The following AMZ1 variants were observed in gnomAD, a reference collection of about 807,000 sequenced individuals.
The protein encoded by AMZ1 is archaelysin family metallopeptidase 1.
In AMZ1, 39 loss-of-function variants were observed where a neutral mutation model predicts 29.9. The observed-to-expected ratio is 1.30, with a 90% CI of 1.01 to 1.70. The LOEUF (loss-of-function observed/expected upper bound fraction) is 1.70, where lower values mean the gene tolerates loss of function less well. Among genes scored for constraint, AMZ1 ranks in the 40% most tolerant of loss-of-function variants. AMZ1 has a pLI of 0.00. For synonymous variants in AMZ1, 458 were observed against 304.0 expected (o/e 1.51, Z -5.27); for missense variants, 1,041 against 680.6 (o/e 1.53, Z -5.89).
rs1788281912 is a variant in AMZ1, at chr7:2,705,205, T to C, written c.472+2316T>C. 1.3e-5 allele frequency among the ~76,000 whole-genome samples: 2 copies of C among 152,202 alleles called. 1 individual carries two copies. Among genetic ancestry groups the C allele is most frequent in the South Asian group, 4.1e-4 (2 of 4,824 alleles). ...CTGCCAGGCACCAAAGGGCTGACTG[T>C]GGGACAAAGACATGAAGCTTTTCTG... is the stretch of plus-strand genomic sequence containing the variant. On this transcript the variant is annotated intron_variant, in intron 3 of 6. Transcript: ENST00000683327.
At chr7:2,728,781 C>G (rs551454529) in intron 4 of AMZ1, 1 of 152,362 alleles carries the variant, frequency 6.6e-6, no homozygotes, top group Non-Finnish European at 1.5e-5. Context: ...TCTCCAATTA[C>G]AATGTGTTAC....
At chr7:2,688,331 G>C (rs956030635) in intron 1 of AMZ1, 35 bp downstream of exon 1, 1 of 151,692 alleles carries the variant, frequency 6.6e-6, no homozygotes, top group African/African-American at 2.4e-5. Flanking sequence ...CGGGGGCGCA[G>C]GGACCGAGAG....
chr7:2,747,102 C>G (rs1440222851), intron 4 of AMZ1, among the ~76,000 whole-genome samples: 2 of 152,258 alleles, frequency 1.3e-5, no homozygotes, highest in East Asian at 3.9e-4. Context: ...CAAGGAGGAG[C>G]TGGCACCATT....
intron 1 of AMZ1, among the ~76,000 whole-genome samples, chr7:2,681,651 G>C (rs1311665759): frequency 6.6e-6 from 1 of 152,186 alleles, no homozygotes; most frequent in African/African-American, 2.4e-5. Flanking sequence ...CCCCGACAGG[G>C]ACAGGTGGTG....
In AMZ1 at chr7:2,716,868, C is replaced by T. The variant is rs963128456; in HGVS notation, c.*3990C>T. 1.3e-5 allele frequency among the ~76,000 whole-genome samples: 2 copies of T among 152,190 alleles called. No individual in the cohort carries two copies. The highest frequency in any genetic ancestry group is 2.4e-5 in the African/African-American group (1 of 41,446). The stretch of plus-strand genomic sequence containing the variant: ...ATCCCCACCATATGGCTGTGGCTGT[C>T]GAGATGGGACTGGGAAGGGCTGGAG... On this transcript the variant is annotated 3_prime_UTR_variant, in exon 7 of 7. Coordinates refer to ENST00000683327, the MANE Select transcript of AMZ1 (RefSeq NM_001384743.1).
At chr7:2,696,578 C>A (rs1787761669) in intron 1 of AMZ1, among the ~76,000 whole-genome samples, 1 of 151,308 alleles carries the variant, frequency 6.6e-6, no homozygotes, top group Non-Finnish European at 1.5e-5. Flanking sequence ...TTATCTGCTG[C>A]TGATGACTTA....
At chr7:2,764,327 C>G (rs1052742824), upstream of AMZ1, among the ~76,000 whole-genome samples, 1 of 151,958 alleles carries the variant, frequency 6.6e-6, no homozygotes. Flanking sequence ...GAGTGATCCT[C>G]CCATCTCAGC....
At chr7:2,743,175 G>T (rs1159223130) in intron 4 of AMZ1, among the ~76,000 whole-genome samples, 1 of 152,186 alleles carries the variant, frequency 6.6e-6, no homozygotes, top group Non-Finnish European at 1.5e-5. Context: ...GCTGGCCCCT[G>T]AACCGTATAT....
chr7:2,737,306 T>TG (rs1790256901), intron 4 of AMZ1, among the ~76,000 whole-genome samples: 12 of 127,546 alleles, frequency 9.4e-5, no homozygotes, highest in Admixed American at 1.9e-4. Context: ...TTTTTTTTTT[T>TG]GAGATGGAGT....
chr7:2,703,159 T>C (rs1788159599), intron 3 of AMZ1, among the ~76,000 whole-genome samples: 1 of 152,066 alleles, frequency 6.6e-6, no homozygotes, highest in African/African-American at 2.4e-5. Flanking sequence ...TTTTTGTTAT[T>C]TTTTTGAGAC....
intron 2 of AMZ1, among the ~76,000 whole-genome samples, 156 bp downstream of exon 2, chr7:2,700,911 G>T (rs1788017513): frequency 6.6e-6 from 1 of 152,210 alleles, no homozygotes; most frequent in Admixed American, 6.5e-5. Flanking sequence ...GGAGGTCCTG[G>T]CTGGGCCAAG....
At chr7:2,692,153 G>A (rs989237711) in intron 1 of AMZ1, among the ~76,000 whole-genome samples, 4 of 152,186 alleles carry the variant, frequency 2.6e-5, no homozygotes, top group Non-Finnish European at 5.9e-5. Context: ...GGCCGGCTAA[G>A]TGCCTCCTCC....
intron 3 of AMZ1, among the ~76,000 whole-genome samples, chr7:2,706,294 G>A (rs969322969): frequency 6.6e-6 from 1 of 152,172 alleles, no homozygotes; most frequent in Non-Finnish European, 1.5e-5. Flanking sequence ...AGCCTCCCAA[G>A]TAGCTGGGAC....
At chr7:2,710,850 T>C (rs1788728413) in intron 6 of AMZ1, among the ~76,000 whole-genome samples, 1 of 152,200 alleles carries the variant, frequency 6.6e-6, no homozygotes, top group African/African-American at 2.4e-5. Flanking sequence ...GGTCAGCACC[T>C]GGTGATGCCT....
rs761253825 is a variant in AMZ1 at position 2,709,750 on chromosome 7, C to G, written c.882C>G (p.Asp294Glu). The G allele has an allele frequency of 6.2e-7, 1 of 1,611,690 alleles. No individual in the cohort carries two copies. Among genetic ancestry groups the G allele is most frequent in the Non-Finnish European group, 8.5e-7 (1 of 1,179,874 alleles). ...ACGAGGCCCTGCGGCGGCCCCTGGA[C>G]CTCTGTCCCATCTGCCTGAGGAAGC... ...SLDEALRRPLDLCPICLRKLQ... is the reference protein window; with the variant it reads ...SLDEALRRPLELCPICLRKLQ... Residue 294 changes from aspartate to glutamate, a missense_variant, in exon 6 of 7, where the codon GAC (aspartate) becomes GAG (glutamate). Coordinates refer to ENST00000683327, the MANE Select transcript of AMZ1 (RefSeq NM_001384743.1).
intron 4 of AMZ1, among the ~76,000 whole-genome samples, chr7:2,736,907 A>G (rs1019746016): frequency 6.6e-6 from 1 of 152,220 alleles, no homozygotes; most frequent in African/African-American, 2.4e-5. Flanking sequence ...AAAGAGCTTC[A>G]GATCATTCAA....
intron 4 of AMZ1, among the ~76,000 whole-genome samples, chr7:2,742,583 G>C (rs1280280482): frequency 6.6e-6 from 1 of 152,154 alleles, no homozygotes; most frequent in Non-Finnish European, 1.5e-5. Context: ...AGTGAAGAAA[G>C]CACTGAGTCT....
chr7:2,755,956 G>T (rs1438128945), intron 4 of AMZ1, among the ~76,000 whole-genome samples: 1 of 152,098 alleles, frequency 6.6e-6, no homozygotes, highest in Non-Finnish European at 1.5e-5. Context: ...TTTTTTGGTA[G>T]AAATTGACAA....
chr7:2,736,222 C>T (rs548730797), intron 4 of AMZ1, among the ~76,000 whole-genome samples: 1 of 152,280 alleles, frequency 6.6e-6, no homozygotes, highest in South Asian at 2.1e-4. Flanking sequence ...TATAAAGAGG[C>T]ACTGTGCCTG....
Sources: gnomAD v4.1 joint callset for allele counts (sites outside exome capture counted in the v4.1 genomes callset) on GRCh38, gnomAD v4.1.1 for gene constraint, MANE v1.5 for transcripts, NCBI Gene and HGNC (gene_info 2026-07-23, HGNC 2026-07-21) for gene names.